The following KNSTRN variants were observed in gnomAD, a reference collection of about 807,000 sequenced individuals.
The protein encoded by KNSTRN is kinetochore localized astrin (SPAG5) binding protein.
In KNSTRN, 38 loss-of-function variants were observed where a neutral mutation model predicts 44.7. That is an observed-to-expected ratio of 0.85 (90% CI 0.66 to 1.11). KNSTRN has a LOEUF of 1.11. Among genes scored for constraint, KNSTRN ranks in the 50% most tolerant of loss-of-function variants. The pLI, the probability that KNSTRN is intolerant of heterozygous loss-of-function variation, is 0.00. For synonymous variants in KNSTRN, 158 were observed against 148.1 expected, an observed-to-expected ratio of 1.07 and a Z score of -0.48; for missense variants, 406 against 375.8, an observed-to-expected ratio of 1.08 and a Z score of -0.66.
intron 6 of KNSTRN, among the ~76,000 whole-genome samples, chr15:40,391,288 A>G (rs1313991623): frequency 6.6e-6 from 1 of 152,214 alleles, no homozygotes; most frequent in Admixed American, 6.5e-5. Flanking sequence ...ATCAAAACCT[A>G]GATTGAAAGG....
chr15:40,393,082 G>T (rs1328905956), intron 8 of KNSTRN: 2 of 1,071,904 alleles, frequency 1.9e-6, no homozygotes, highest in Non-Finnish European at 2.8e-6. Flanking sequence ...AACACAGTAG[G>T]TTGCTCAGAG....
In KNSTRN at chr15:40,393,346, T is replaced by G. The variant is rs1890035324; in HGVS notation, c.823-123T>G. On this transcript the variant is annotated intron_variant, in intron 8 of 8. Coordinates refer to ENST00000249776, the MANE Select transcript of KNSTRN (RefSeq NM_033286.4). ...ATCTAAAATAGAAGATACAGTCTGTTGATACTCCAGTGGTCTTCCTTAGTG... is the reference window on the plus strand; with the variant it reads ...ATCTAAAATAGAAGATACAGTCTGTGGATACTCCAGTGGTCTTCCTTAGTG... 4 of 1,598,198 alleles carry G rather than the reference T, an allele frequency of 2.5e-6. No individual in the cohort carries two copies. The South Asian group carries it at 4.5e-5, about 18-fold the overall frequency.
chr15:40,388,935 A>G (rs1889949129), intron 4 of KNSTRN, among the ~76,000 whole-genome samples: 1 of 152,180 alleles, frequency 6.6e-6, no homozygotes, highest in Non-Finnish European at 1.5e-5. Flanking sequence ...CTAACATTAG[A>G]TAATAGCCCA....
chr15:40,393,377 G>A (rs970343600), intron 8 of KNSTRN, 92 bp from the exon 9 acceptor site: 1 of 1,589,872 alleles, frequency 6.3e-7, no homozygotes, highest in East Asian at 2.2e-5. Context: ...TAGTGGAATA[G>A]GAGCATAATG....
intron 2 of KNSTRN, chr15:40,384,389 G>A (rs886577389): frequency 1.6e-5 from 7 of 432,252 alleles, no homozygotes; most frequent in African/African-American, 1.4e-4. Flanking sequence ...AAAAAAGATT[G>A]AGCTCTGAAG....
rs1420423065 is a variant in KNSTRN, at chr15:40,383,092, G to A, written c.209+48G>A. 4 of 1,598,780 alleles carry A rather than the reference G, an allele frequency of 2.5e-6. No individual in the cohort carries two copies. In the South Asian group the frequency reaches 4.4e-5, roughly 18 times the overall value. On this transcript the variant is annotated intron_variant, in intron 1 of 8. Transcript: ENST00000249776. ...GACTGGGCTGGATGGGAGGAAGGACGGAATGAGCTGGGAAAGGAGGATTTT... is the reference window on the plus strand; with the variant it reads ...GACTGGGCTGGATGGGAGGAAGGACAGAATGAGCTGGGAAAGGAGGATTTT...
At chr15:40,383,576 G>T (rs1166170781) in intron 2 of KNSTRN, 1 of 430,506 alleles carries the variant, frequency 2.3e-6, no homozygotes, top group Non-Finnish European at 4.2e-6. Context: ...CAAGTTGTTG[G>T]TTATTGTACA....
intron 2 of KNSTRN, 124 bp downstream of exon 2, chr15:40,383,446 C>T (rs1566921810): frequency 1.5e-6 from 1 of 668,854 alleles, no homozygotes; most frequent in South Asian, 1.8e-5. Flanking sequence ...AACCTGTGAG[C>T]CCCCTATAAC....
At chr15:40,385,123 G>T (rs144492064) in intron 2 of KNSTRN, among the ~76,000 whole-genome samples, 1,694 of 152,304 alleles carry the variant, frequency 0.011, 27 homozygotes, top group African/African-American at 0.039. Context: ...TCTTCAATTT[G>T]ATTTGATTGT....
intron 2 of KNSTRN, 53 bp downstream of exon 2, chr15:40,383,375 G>A (rs983522319): frequency 7.0e-7 from 1 of 1,433,786 alleles, no homozygotes; most frequent in Non-Finnish European, 9.7e-7. Flanking sequence ...GGATGGTCTC[G>A]GGAGTGTGGA....
At chr15:40,389,387 G>T in intron 4 of KNSTRN, 119 bp from the exon 5 acceptor site, 1 of 686,480 alleles carries the variant, frequency 1.5e-6, no homozygotes, top group South Asian at 1.7e-5. Context: ...CCGACCTCAG[G>T]TGATCTGCCT....
intron 4 of KNSTRN, among the ~76,000 whole-genome samples, chr15:40,388,097 C>T (rs942692244): frequency 6.6e-6 from 1 of 152,224 alleles, no homozygotes; most frequent in African/African-American, 2.4e-5. Flanking sequence ...CTGAGACCAG[C>T]TTGGTCGGGG....
chr15:40,393,672 C>T lies in KNSTRN; in HGVS notation c.*75C>T, dbSNP rs1293876886. The T allele has an allele frequency of 1.5e-6, 2 of 1,363,540 alleles. No homozygotes were observed. The highest frequency in any genetic ancestry group is 1.0e-6 in the Non-Finnish European group (1 of 983,186). The allele number at this position is 1,363,540 out of a possible 1,614,324, so 84.5% of individuals were successfully genotyped here. The stretch of plus-strand genomic sequence containing the variant: ...GAAGCTACTTAGGACATCATCTTGG[C>T]CATGATCTTCTGGGACTCACCATCT... On this transcript the variant is annotated 3_prime_UTR_variant, in exon 9 of 9. Coordinates refer to ENST00000249776, the MANE Select transcript of KNSTRN (RefSeq NM_033286.4).
chr15:40,393,086 C>T, intron 8 of KNSTRN: 1 of 1,170,490 alleles, frequency 8.5e-7, no homozygotes, highest in Non-Finnish European at 1.3e-6. Context: ...CAGTAGGTTG[C>T]TCAGAGTTGG....
At chr15:40,385,898 T>G (rs527553826) in intron 2 of KNSTRN, among the ~76,000 whole-genome samples, 1 of 152,366 alleles carries the variant, frequency 6.6e-6, no homozygotes, top group South Asian at 2.1e-4. Flanking sequence ...TTATTGCCAA[T>G]TAGCCTGGAA....
chr15:40,390,330 T>G (rs1158116828), intron 6 of KNSTRN, among the ~76,000 whole-genome samples: 2 of 152,252 alleles, frequency 1.3e-5, no homozygotes, highest in Non-Finnish European at 2.9e-5. Context: ...AGCATACTAG[T>G]AATCCCAAAT....
At chr15:40,387,059 G>C (rs1889914994) in intron 3 of KNSTRN, 100 bp from the exon 4 acceptor site, 1 of 866,716 alleles carries the variant, frequency 1.2e-6, no homozygotes, top group Admixed American at 2.0e-5. Context: ...TTTATGTCTG[G>C]TTCTTTCCTC....
Position 40,391,479 on chromosome 15 carries a change from G to A in KNSTRN, c.686-14G>A, listed in dbSNP as rs1341908745. 1 of 1,611,428 alleles carries A rather than the reference G, an allele frequency of 6.2e-7. No individual in the cohort carries two copies. On this transcript the variant is annotated splice_polypyrimidine_tract_variant and intron_variant, in intron 6 of 8. Transcript: ENST00000249776. ...TAGTTCCCTAAGTGAGATTGACTTT[G>A]TTGTATCCATCAGCTTTAGGCAGTG...
Position 40,386,491 on chromosome 15 carries a change from A to G in KNSTRN, c.434A>G (p.Asn145Ser), listed in dbSNP as rs1889904899. 6 of 1,614,094 alleles carry G rather than the reference A, an allele frequency of 3.7e-6. No individual in the cohort carries two copies. Among genetic ancestry groups the G allele is most frequent in the South Asian group, 1.1e-5 (1 of 91,074 alleles). Residue 145 changes from asparagine (N) to serine (S), a missense_variant, in exon 3 of 9, where the codon AAT (asparagine) becomes AGT (serine). By Grantham distance (46) the Asn-to-Ser change is conservative (BLOSUM62 1). Transcript: ENST00000249776. Reference protein sequence around the residue: ...VTKITKLRRENGQMKATDTAT... With the variant: ...VTKITKLRRESGQMKATDTAT... ...AAAATCACCAAACTGAGACGAGAGAATGGGTGAGAACGGATCATTAGTATC... is the reference window on the plus strand; with the variant it reads ...AAAATCACCAAACTGAGACGAGAGAGTGGGTGAGAACGGATCATTAGTATC...
Sources: allele counts gnomAD v4.1 joint callset (sites outside exome capture counted in the v4.1 genomes callset), GRCh38; gene constraint gnomAD v4.1.1; transcripts MANE v1.5; gene names NCBI Gene and HGNC (gene_info 2026-07-23, HGNC 2026-07-21).